The following EMC4 variants were observed in gnomAD, a reference collection of about 807,000 sequenced individuals.
The protein encoded by EMC4 is ER membrane protein complex subunit 4.
Under a neutral mutation model 24.2 loss-of-function variants are expected in EMC4, and 9 were observed. That is an observed-to-expected ratio of 0.37 (90% confidence interval 0.22 to 0.65). EMC4 has a LOEUF of 0.65. Ranked by LOEUF, EMC4 falls within the 30% of genes least tolerant of loss-of-function variation. The pLI, the probability that EMC4 is intolerant of heterozygous loss-of-function variation, is 0.59. For synonymous variants in EMC4, 86 were observed against 81.1 expected (o/e 1.06, Z -0.32); for missense variants, 169 against 234.6 (o/e 0.72, Z 1.83).
intron 2 of EMC4, chr15:34,225,935 T>G (rs1041416492): frequency 7.1e-6 from 3 of 423,252 alleles, no homozygotes; most frequent in Admixed American, 5.7e-5. Context: ...TCTGGTTCCC[T>G]TACACCACAT....
In EMC4 at chr15:34,229,763, T is replaced by A. The variant is rs2140604001; in HGVS notation, c.527T>A (p.Phe176Tyr). Reference protein sequence around the residue: ...AFIEPPERMEFSGGGLLL With the variant: ...AFIEPPERMEYSGGGLLL ...TCTTTCTTCTTTCAGAGAATGGAGTTCAGTGGTGGAGGACTGCTTTTGTGA... is the reference window on the plus strand; with the variant it reads ...TCTTTCTTCTTTCAGAGAATGGAGTACAGTGGTGGAGGACTGCTTTTGTGA... The change falls in exon 5 of 5, where the codon TTC becomes TAC. Residue 176 changes from phenylalanine to tyrosine, a missense_variant. Transcript: ENST00000267750. The A allele has an allele frequency of 6.3e-7, 1 of 1,590,228 alleles. No homozygotes were observed. The highest frequency in any genetic ancestry group is 8.6e-7 in the Non-Finnish European group (1 of 1,166,642).
chr15:34,229,513 T>C (rs1298808521), intron 4 of EMC4: 1 of 432,450 alleles, frequency 2.3e-6, no homozygotes, highest in South Asian at 3.1e-5. Context: ...TTGTATTTCT[T>C]GTAGAGACAG....
intron 3 of EMC4, chr15:34,228,131 C>G (rs530072743): frequency 4.5e-6 from 2 of 448,072 alleles, no homozygotes; most frequent in Non-Finnish European, 8.2e-6. Flanking sequence ...TGCAGTGAGC[C>G]GAGATCGTGC....
In EMC4 at chr15:34,227,737, G is replaced by GA. The variant is rs1444376846; in HGVS notation, c.248dup (p.Asn83LysfsTer87). ...TGGGTCCCCTCAAACAGATTCCCAT[G>GA]AATCTCTTCATCATGTACATGGCAG... On this transcript the variant is annotated frameshift_variant, in exon 3 of 5. Coordinates refer to ENST00000267750, the MANE Select transcript of EMC4 (RefSeq NM_016454.4). LOFTEE classifies it high-confidence loss of function. 6.2e-7 allele frequency: 1 copy of GA among 1,614,058 alleles called. No individual in the cohort carries two copies. Among genetic ancestry groups the GA allele is most frequent in the Non-Finnish European group, 8.5e-7 (1 of 1,180,018 alleles).
Position 34,226,053 on chromosome 15 carries a change from G to A in EMC4, c.201+403G>A, listed in dbSNP as rs544772062. On this transcript the variant is annotated intron_variant, in intron 2 of 4. Transcript: ENST00000267750. Reference sequence around the variant, plus strand: ...TTCATCTAGATTTCTGCAGTAGCCCGGCTAATTTTTGTATTTTTAGTACAG... The same window carrying A: ...TTCATCTAGATTTCTGCAGTAGCCCAGCTAATTTTTGTATTTTTAGTACAG... 23 of 347,398 alleles carry A rather than the reference G, an allele frequency of 6.6e-5. 1 individual carries two copies. Among genetic ancestry groups the A allele is most frequent in the South Asian group, 4.5e-4 (20 of 44,528 alleles). 21.5% of individuals were successfully genotyped at this position (347,398 alleles called of 1,614,324 possible).
In EMC4 at chr15:34,225,632, C is replaced by A; in HGVS notation, c.183C>A (p.Asp61Glu). 6.2e-7 allele frequency: 1 copy of A among 1,613,860 alleles called. No homozygotes were observed. Among genetic ancestry groups the A allele is most frequent in the Non-Finnish European group, 8.5e-7 (1 of 1,179,812 alleles). ...CTGATACCAGCGTGCAAGAGACAGA[C>A]CGGATCCTGGTGGAGAAGGTACAGA... Reference protein sequence around the residue: ...QVPDTSVQETDRILVEKRCWD... With the variant: ...QVPDTSVQETERILVEKRCWD... The change falls in exon 2 of 5, where the codon GAC becomes GAA. Residue 61 changes from aspartate (D) to glutamate (E), a missense_variant. Asp to Glu is a conservative substitution (Grantham distance 45, BLOSUM62 2). Coordinates refer to ENST00000267750, the MANE Select transcript of EMC4 (RefSeq NM_016454.4).
rs1239373700 is a variant in EMC4 at position 34,229,928 on chromosome 15, T to G, written c.*140T>G. ...AAAGACTCTTTTCTCCATGGTGGGG[T>G]GACAGGTCCTAGAAGGACAATGTGC... On this transcript the variant is annotated 3_prime_UTR_variant, in exon 5 of 5. Coordinates refer to ENST00000267750, the MANE Select transcript of EMC4 (RefSeq NM_016454.4). 1 of 782,052 alleles carries G rather than the reference T, an allele frequency of 1.3e-6. No homozygotes were observed. The highest frequency in any genetic ancestry group is 2.2e-6 in the Non-Finnish European group (1 of 450,596). The allele number at this position is 782,052 out of a possible 1,614,324, so 48.4% of individuals were successfully genotyped here.
In EMC4 at chr15:34,230,074, AGAG is replaced by A. The variant is rs1890823785; in HGVS notation, c.*287_*289del. On this transcript the variant is annotated 3_prime_UTR_variant, in exon 5 of 5. Coordinates refer to ENST00000267750, the MANE Select transcript of EMC4 (RefSeq NM_016454.4). ...ACAAAAAAACATAACTATGTAAACA[AGAG>A]AATAACTGCTGCTAAATCAAGAACT... 2.4e-6 allele frequency: 1 copy of A among 414,002 alleles called. No individual in the cohort carries two copies. The highest frequency in any genetic ancestry group is 4.3e-6 in the Non-Finnish European group (1 of 233,984). 25.6% of individuals were successfully genotyped at this position (414,002 alleles called of 1,614,324 possible). A position where few individuals can be genotyped will look rare whatever the true frequency, so the allele number is the denominator to read the frequency against.
intron 4 of EMC4, 62 bp downstream of exon 4, chr15:34,228,651 T>C (rs1890724492): frequency 7.8e-7 from 1 of 1,281,230 alleles, no homozygotes; most frequent in Non-Finnish European, 1.1e-6. Flanking sequence ...GCTGACCTAC[T>C]TGATGGTAGG....
Position 34,229,893 on chromosome 15 carries a change from A to AAAAG in EMC4, c.*108_*111dup, listed in dbSNP as rs1355543331. The AAAAG allele has an allele frequency of 3.9e-6, 4 of 1,035,336 alleles. No homozygotes were observed. In the African/African-American group the frequency reaches 6.4e-5, roughly 16 times the overall value. The allele number at this position is 1,035,336 out of a possible 1,614,324, so 64.1% of individuals were successfully genotyped here. On this transcript the variant is annotated 3_prime_UTR_variant, in exon 5 of 5. Transcript: ENST00000267750. Reference sequence around the variant, plus strand: ...ACTCTTAAACTAATCACTTATGTTAAAAAGAACCAAAAGACTCTTTTCTCC... The same window carrying AAAAG: ...ACTCTTAAACTAATCACTTATGTTAAAAAGAAAGAACCAAAAGACTCTTTTCTCC...
chr15:34,225,816 C>T lies in EMC4; in HGVS notation c.201+166C>T, dbSNP rs781439411. ...ATTTTATATATCAGCTACAAAAGTG[C>T]TTAATAATTTGAAAAATAGAAGATG... On this transcript the variant is annotated intron_variant, in intron 2 of 4. Transcript: ENST00000267750. The T allele has an allele frequency of 4.4e-6, 3 of 686,654 alleles. No individual in the cohort carries two copies. In the South Asian group the frequency reaches 4.5e-5, roughly 10 times the overall value. 42.5% of individuals were successfully genotyped at this position (686,654 alleles called of 1,614,324 possible). A position where few individuals can be genotyped will look rare whatever the true frequency, so the allele number is the denominator to read the frequency against.
At chr15:34,226,452 C>T (rs1172837689) in intron 2 of EMC4, 1 of 152,104 alleles carries the variant, frequency 6.6e-6, no homozygotes, top group Non-Finnish European at 1.5e-5. Flanking sequence ...TACCCATCAC[C>T]AGTATTGATT....
Position 34,225,628 on chromosome 15 carries a change from C to T in EMC4, c.179C>T (p.Thr60Ile). The change falls in exon 2 of 5, where the codon ACA becomes ATA. Residue 60 changes from threonine (T) to isoleucine (I), a missense_variant. Thr to Ile is a moderately conservative substitution (Grantham distance 89, BLOSUM62 -1). Transcript: ENST00000267750. The part of the protein sequence containing the change: ...KQVPDTSVQE[T>I]DRILVEKRCW... ...GTGCCTGATACCAGCGTGCAAGAGA[C>T]AGACCGGATCCTGGTGGAGAAGGTA... 1 of 1,613,982 alleles carries T rather than the reference C, an allele frequency of 6.2e-7. No homozygotes were observed. Among genetic ancestry groups the T allele is most frequent in the East Asian group, 2.2e-5 (1 of 44,870 alleles).
intron 1 of EMC4, 84 bp downstream of exon 1, chr15:34,225,284 C>T: frequency 2.4e-6 from 3 of 1,230,002 alleles, no homozygotes; most frequent in Non-Finnish European, 3.4e-6. Flanking sequence ...AGGCATAACT[C>T]TGAAAAAGAT....
chr15:34,228,329 C>G, intron 3 of EMC4, 100 bp from the exon 4 acceptor site: 2 of 1,282,936 alleles, frequency 1.6e-6, no homozygotes, highest in Non-Finnish European at 2.2e-6. Flanking sequence ...TATTTGCTGT[C>G]TTACTATGGG....
intron 2 of EMC4, 79 bp downstream of exon 2, chr15:34,225,729 A>T (rs1323495004): frequency 1.9e-6 from 2 of 1,077,232 alleles, no homozygotes; most frequent in African/African-American, 1.5e-5. Context: ...AGGTGGAGTT[A>T]ACGTAGATAG....
intron 3 of EMC4, 120 bp downstream of exon 3, chr15:34,227,966 T>C: frequency 1.9e-6 from 2 of 1,065,284 alleles, no homozygotes. Flanking sequence ...GTGGATCATC[T>C]GAGGGCAGGA....
At position 34,225,040 on chromosome 15, in the gene EMC4, G is replaced by A; in HGVS notation, c.-75G>A. ...TGCATTTGCAGAGTGAGACAAAGCGGAGAACGCTGGTGGGCCTGTTGTGGA... is the reference window on the plus strand; with the variant it reads ...TGCATTTGCAGAGTGAGACAAAGCGAAGAACGCTGGTGGGCCTGTTGTGGA... On this transcript the variant is annotated 5_prime_UTR_variant, in exon 1 of 5. Transcript: ENST00000267750. The A allele has an allele frequency of 2.4e-6, 3 of 1,238,302 alleles. No individual in the cohort carries two copies. The highest frequency in any genetic ancestry group is 3.5e-6 in the Non-Finnish European group (3 of 861,486). The allele number at this position is 1,238,302 out of a possible 1,614,324, so 76.7% of individuals were successfully genotyped here.
intron 4 of EMC4, 69 bp downstream of exon 4, chr15:34,228,658 T>C: frequency 8.4e-7 from 1 of 1,189,982 alleles, no homozygotes; most frequent in Non-Finnish European, 1.2e-6. Context: ...TACTTGATGG[T>C]AGGAAATTGG....
Sources: allele counts gnomAD v4.1 joint callset, GRCh38; gene constraint gnomAD v4.1.1; transcripts MANE v1.5; gene names NCBI Gene and HGNC (gene_info 2026-07-23, HGNC 2026-07-21).